Variants in ZNF385D observed in about 807,000 individuals in gnomAD.
The protein encoded by ZNF385D is zinc finger protein 385D, also known as zinc finger protein 659.
Under a neutral mutation model 35.8 loss-of-function variants are expected in ZNF385D, and 15 were observed. That is an observed-to-expected ratio of 0.42 (90% CI 0.28 to 0.64). The LOEUF is 0.64. ZNF385D is among the 30% of genes least tolerant of loss of function. ZNF385D has a pLI of 0.23. For synonymous variants in ZNF385D, 212 were observed against 186.8 expected (o/e 1.13, Z -1.10); for missense variants, 474 against 494.6 (o/e 0.96, Z 0.39).
At chr3:21,432,506 T>C (rs1347495665) in intron 5 of ZNF385D, among the ~76,000 whole-genome samples, 1 of 152,086 alleles carries the variant, frequency 6.6e-6, no homozygotes. Context: ...TCTCAAAGGT[T>C]TTTTTCTTTT....
intron 3 of ZNF385D, chr3:21,877,763 A>T (rs761470963): frequency 7.9e-5 from 12 of 152,080 alleles, no homozygotes; most frequent in Non-Finnish European, 1.5e-4. Context: ...AACTCCACCA[A>T]TGCGGACTCA....
At chr3:21,887,835 G>GA (rs1459555198) in intron 3 of ZNF385D, among the ~76,000 whole-genome samples, 2 of 151,748 alleles carry the variant, frequency 1.3e-5, no homozygotes, top group Admixed American at 6.6e-5. Context: ...GAATTGAAAA[G>GA]AAAAAAATGC....
At chr3:22,023,253 G>A (rs1447282738) in intron 3 of ZNF385D, among the ~76,000 whole-genome samples, 1 of 152,148 alleles carries the variant, frequency 6.6e-6, no homozygotes, top group Non-Finnish European at 1.5e-5. Context: ...AGTGGCAACT[G>A]AGTCTGGGCA....
At chr3:22,228,443 A>G (rs1346903326) in intron 2 of ZNF385D, among the ~76,000 whole-genome samples, 1 of 152,144 alleles carries the variant, frequency 6.6e-6, no homozygotes, top group Admixed American at 6.5e-5. Context: ...TTCCATGTGG[A>G]AGATCAGTCA....
intron 1 of ZNF385D, among the ~76,000 whole-genome samples, chr3:21,740,258 A>G (rs957762469): frequency 6.6e-6 from 1 of 152,176 alleles, no homozygotes; most frequent in Non-Finnish European, 1.5e-5. Flanking sequence ...GTGGTAGCTC[A>G]TCTAACTGGC....
At chr3:22,004,805 A>C (rs1679250) in intron 3 of ZNF385D, among the ~76,000 whole-genome samples, 82,669 of 151,480 alleles carry the variant, frequency 0.55, 24,588 homozygotes, top group African/African-American at 0.8. Context: ...AAGTCCCTTC[A>C]CTGCTTTAAA....
intron 2 of ZNF385D, among the ~76,000 whole-genome samples, chr3:21,655,289 G>T (rs796718183): frequency 6.6e-6 from 1 of 151,882 alleles, no homozygotes; most frequent in East Asian, 1.9e-4. Context: ...CAGGCTCCAC[G>T]TTTTTGCCTT....
chr3:21,876,577 A>G (rs1362436513), intron 3 of ZNF385D, among the ~76,000 whole-genome samples: 1 of 151,952 alleles, frequency 6.6e-6, no homozygotes, highest in Non-Finnish European at 1.5e-5. Flanking sequence ...TTGAGCACCT[A>G]CTATGTCTCA....
chr3:22,195,132 G>T (rs1321794979), intron 2 of ZNF385D, among the ~76,000 whole-genome samples: 1 of 151,798 alleles, frequency 6.6e-6, no homozygotes, highest in East Asian at 1.9e-4. Flanking sequence ...TTAGCAGTTT[G>T]TATCATAAGT....
At chr3:21,503,436 C>T (rs978538411) in intron 4 of ZNF385D, among the ~76,000 whole-genome samples, 16 of 152,168 alleles carry the variant, frequency 1.1e-4, no homozygotes, top group African/African-American at 3.9e-4. Context: ...AGCTAATTTA[C>T]AGTTGCCCTC....
rs1001457241 is a variant in ZNF385D at position 21,417,822 on chromosome 3, C to A, written c.*3392G>T. The A allele has an allele frequency of 3.3e-5, 5 of 152,074 alleles. No homozygotes were observed. Among genetic ancestry groups the A allele is most frequent in the Admixed American group, 1.3e-4 (2 of 15,258 alleles). The allele number at this position is 152,074 out of a possible 1,614,324, so 9.4% of individuals were successfully genotyped here. A position where few individuals can be genotyped will look rare whatever the true frequency, so the allele number is the denominator to read the frequency against. ...AAAATATGTAGCACCTTTAGAAAAACCAAATTTCATCTCTGATGATAATGG... is the reference window on the plus strand; with the variant it reads ...AAAATATGTAGCACCTTTAGAAAAAACAAATTTCATCTCTGATGATAATGG... On this transcript the variant is annotated 3_prime_UTR_variant, in exon 8 of 8. Transcript: ENST00000281523.
At chr3:22,275,451 T>C (rs949810346) in intron 2 of ZNF385D, among the ~76,000 whole-genome samples, 3 of 151,514 alleles carry the variant, frequency 2.0e-5, no homozygotes, top group South Asian at 4.2e-4. Flanking sequence ...TTGACACTTA[T>C]ACTCTATCAA....
At chr3:21,855,950 A>T (rs1696690300) in intron 3 of ZNF385D, among the ~76,000 whole-genome samples, 1 of 152,018 alleles carries the variant, frequency 6.6e-6, no homozygotes, top group South Asian at 2.1e-4. Flanking sequence ...ACAGAACTGG[A>T]TGAAATCTGT....
At chr3:22,263,157 T>C (rs2125348070) in intron 2 of ZNF385D, among the ~76,000 whole-genome samples, 1 of 152,104 alleles carries the variant, frequency 6.6e-6, no homozygotes. Context: ...TCAGTCAGAA[T>C]GTACCAACCA....
chr3:21,913,796 T>A (rs1700073087), intron 3 of ZNF385D, among the ~76,000 whole-genome samples: 1 of 152,042 alleles, frequency 6.6e-6, no homozygotes, highest in Non-Finnish European at 1.5e-5. Flanking sequence ...CTCCCACCCT[T>A]TGATCACAAT....
intron 2 of ZNF385D, among the ~76,000 whole-genome samples, chr3:22,323,466 T>A (rs2125448677): frequency 6.6e-6 from 1 of 152,208 alleles, no homozygotes; most frequent in Admixed American, 6.5e-5. Flanking sequence ...GTAAACACAA[T>A]TTCTGCTAAC....
intron 3 of ZNF385D, chr3:22,134,431 T>G (rs1703985699): frequency 1.3e-5 from 2 of 152,120 alleles, no homozygotes; most frequent in African/African-American, 4.8e-5. Flanking sequence ...CAAACCTCTC[T>G]CTTAGCAATC....
At chr3:21,596,781 A>G (rs1575281488) in intron 2 of ZNF385D, among the ~76,000 whole-genome samples, 1 of 151,910 alleles carries the variant, frequency 6.6e-6, no homozygotes, top group South Asian at 2.1e-4. Flanking sequence ...GGCTGGCCAC[A>G]AGTAGTTTTA....
chr3:22,058,306 T>C (rs1170402629), intron 3 of ZNF385D, among the ~76,000 whole-genome samples: 1 of 152,232 alleles, frequency 6.6e-6, no homozygotes, highest in Non-Finnish European at 1.5e-5. Flanking sequence ...GAAGGGAATT[T>C]GATATTAGCT....
Sources: allele counts gnomAD v4.1 joint callset (sites outside exome capture counted in the v4.1 genomes callset), GRCh38; gene constraint gnomAD v4.1.1; transcripts MANE v1.5; gene names NCBI Gene and HGNC (gene_info 2026-07-23, HGNC 2026-07-21).